Variants in TNRC6C observed in about 807,000 individuals in gnomAD.
The protein encoded by TNRC6C is trinucleotide repeat containing adaptor 6C, also known as trinucleotide repeat-containing gene 6C protein.
Under a neutral mutation model 153.7 loss-of-function variants are expected in TNRC6C, and 20 were observed. That is an observed-to-expected ratio of 0.13 (90% CI 0.09 to 0.19). The LOEUF is 0.19. TNRC6C is among the 10% of genes least tolerant of loss of function. The probability of loss-of-function intolerance (pLI) is 1.00; values close to 1 mark genes in which losing one functional copy is unlikely to be tolerated. For synonymous variants in TNRC6C, 811 were observed against 841.4 expected, an observed-to-expected ratio of 0.96 and a Z score of 0.63; for missense variants, 1,987 against 2,172.0, an observed-to-expected ratio of 0.91 and a Z score of 1.69.
chr17:78,067,671 A>T, intron 4 of TNRC6C, 86 bp from the exon 7 acceptor site: 1 of 1,419,818 alleles, frequency 7.0e-7, no homozygotes, highest in Non-Finnish European at 9.4e-7. Context: ...CATTTGTCCC[A>T]CGACCCCTAA....
chr17:77,991,956 C>T (rs908588594), intron 1 of TNRC6C, among the ~76,000 whole-genome samples: 4 of 152,192 alleles, frequency 2.6e-5, no homozygotes, highest in African/African-American at 4.8e-5. Context: ...CAGAGGTCCT[C>T]TGAGCTTCAT....
At chr17:78,024,905 T>C (rs2071908374) in intron 1 of TNRC6C, among the ~76,000 whole-genome samples, 1 of 151,968 alleles carries the variant, frequency 6.6e-6, no homozygotes, top group African/African-American at 2.4e-5. Flanking sequence ...GCAACTCTCC[T>C]GCCTCAGCCT....
intron 1 of TNRC6C, among the ~76,000 whole-genome samples, chr17:78,024,694 A>T (rs768612905): frequency 4.6e-5 from 7 of 151,848 alleles, no homozygotes; most frequent in Non-Finnish European, 1.0e-4. Context: ...TTTACAAAAC[A>T]ATCGAGCTGA....
At position 78,086,494 on chromosome 17, in the gene TNRC6C, T is replaced by C. The variant is rs1863645099; in HGVS notation, c.3478-9T>C. On this transcript the variant is annotated splice_polypyrimidine_tract_variant and intron_variant, in intron 11 of 19. Transcript: ENST00000301624. ...ATCATACTATTTTAACTCTTCGTTC[T>C]GTCAACAGGCATACCAACGTTTACA... 7 of 1,613,144 alleles carry C rather than the reference T, an allele frequency of 4.3e-6. No homozygotes were observed. The highest frequency in any genetic ancestry group is 2.2e-5 in the South Asian group (2 of 91,034).
intron 2 of TNRC6C, among the ~76,000 whole-genome samples, chr17:78,044,849 A>G (rs2072373863): frequency 6.6e-6 from 1 of 152,152 alleles, no homozygotes; most frequent in Admixed American, 6.5e-5. Context: ...TGAAAGGAAG[A>G]CTGTTACAAT....
intron 3 of TNRC6C, among the ~76,000 whole-genome samples, chr17:78,059,063 A>G (rs987309299): frequency 6.6e-6 from 1 of 152,222 alleles, no homozygotes; most frequent in East Asian, 1.9e-4. Flanking sequence ...TAGCAGCAGA[A>G]GCCAGAGAGC....
intron 15 of TNRC6C, 103 bp downstream of exon 17, chr17:78,093,227 T>G: frequency 7.9e-7 from 1 of 1,263,128 alleles, no homozygotes; most frequent in South Asian, 1.5e-5. Flanking sequence ...GAGCTAAGGA[T>G]CTGGAAGCGT....
In TNRC6C at chr17:78,094,814, A is replaced by G. The variant is rs1265447770; in HGVS notation, c.4306+1051A>G. ...GGCTGGAAAGCCAACATAAGTACAGATTGCCCTTTCTGTTTAATGCTGTGT... is the reference window on the plus strand; with the variant it reads ...GGCTGGAAAGCCAACATAAGTACAGGTTGCCCTTTCTGTTTAATGCTGTGT... On this transcript the variant is annotated intron_variant, in intron 16 of 19. Coordinates refer to ENST00000301624, the Ensembl canonical transcript of TNRC6C. Among the ~76,000 whole-genome samples, 4 of 152,224 alleles carry G rather than the reference A, an allele frequency of 2.6e-5. No individual in the cohort carries two copies. In the East Asian group the frequency reaches 5.8e-4, roughly 22 times the overall value.
intron 2 of TNRC6C, among the ~76,000 whole-genome samples, chr17:78,032,986 A>G (rs1567925721): frequency 6.6e-6 from 1 of 152,250 alleles, no homozygotes; most frequent in Non-Finnish European, 1.5e-5. Context: ...AGTCTCATCT[A>G]TTTAGTTGCC....
chr17:78,012,531 G>C (rs1371758074), intron 1 of TNRC6C, among the ~76,000 whole-genome samples: 1 of 152,204 alleles, frequency 6.6e-6, no homozygotes, highest in African/African-American at 2.4e-5. Flanking sequence ...TTCTCAAAGA[G>C]ATATTTTAGT....
At chr17:78,073,946 C>A (rs1463812775) in intron 7 of TNRC6C, among the ~76,000 whole-genome samples, 1 of 152,142 alleles carries the variant, frequency 6.6e-6, no homozygotes, top group Non-Finnish European at 1.5e-5. Context: ...GTCACATGCC[C>A]AGATGTTACT....
At chr17:77,996,458 GT>G (rs1230847769) in intron 1 of TNRC6C, among the ~76,000 whole-genome samples, 1 of 152,210 alleles carries the variant, frequency 6.6e-6, no homozygotes, top group Admixed American at 6.5e-5. Context: ...GGCACAGTCA[GT>G]GCGGTGAATC....
intron 1 of TNRC6C, among the ~76,000 whole-genome samples, chr17:77,959,577 G>C (rs901726506): frequency 6.6e-6 from 1 of 152,118 alleles, no homozygotes; most frequent in Non-Finnish European, 1.5e-5. Flanking sequence ...GGTGAAATTC[G>C]GTCCTTTCCG....
chr17:78,073,295 A>C (rs557020946), intron 7 of TNRC6C, among the ~76,000 whole-genome samples: 18 of 152,368 alleles, frequency 1.2e-4, no homozygotes, highest in African/African-American at 3.8e-4. Flanking sequence ...GTGAATCGCC[A>C]ATGCCATATT....
At chr17:78,096,610 C>T (rs930565291) in intron 16 of TNRC6C, among the ~76,000 whole-genome samples, 18 of 152,210 alleles carry the variant, frequency 1.2e-4, no homozygotes, top group African/African-American at 2.7e-4. Context: ...TGTGGGCCTA[C>T]GGCTGAGATG....
intron 16 of TNRC6C, among the ~76,000 whole-genome samples, chr17:78,095,990 G>A (rs2073478952): frequency 6.6e-6 from 1 of 152,234 alleles, no homozygotes; most frequent in Non-Finnish European, 1.5e-5. Context: ...GGTCAAGGCT[G>A]CAGTGAGCTG....
chr17:78,041,960 A>G (rs974791200), intron 2 of TNRC6C, among the ~76,000 whole-genome samples: 22 of 152,228 alleles, frequency 1.4e-4, no homozygotes, highest in African/African-American at 5.3e-4. Flanking sequence ...ACACTTTCAT[A>G]TCTGATTAAA....
At chr17:78,033,779 A>G (rs936337984) in intron 2 of TNRC6C, among the ~76,000 whole-genome samples, 5 of 152,326 alleles carry the variant, frequency 3.3e-5, no homozygotes, top group Admixed American at 6.5e-5. Flanking sequence ...AAATTGATCA[A>G]TCTATGTAGT....
intron 2 of TNRC6C, among the ~76,000 whole-genome samples, chr17:78,038,956 G>A (rs1257628106): frequency 6.6e-5 from 10 of 151,886 alleles, no homozygotes; most frequent in Admixed American, 2.0e-4. Context: ...GCTGTTGGTC[G>A]GAATGTAAGG....
Sources: allele counts gnomAD v4.1 joint callset (sites outside exome capture counted in the v4.1 genomes callset), GRCh38; gene constraint gnomAD v4.1.1; transcripts MANE v1.5; gene names NCBI Gene and HGNC (gene_info 2026-07-23, HGNC 2026-07-21).